Variants in MRPL54 observed in about 807,000 individuals in gnomAD.
MRPL54 encodes the protein mitochondrial ribosomal protein L54.
Under a neutral mutation model 15.6 loss-of-function variants are expected in MRPL54, and 12 were observed. The observed-to-expected ratio is 0.77, with a 90% CI of 0.49 to 1.24. The LOEUF is 1.24. Among genes scored for constraint, MRPL54 ranks in the 50% most tolerant of loss-of-function variants. MRPL54 has a pLI of 0.00. For synonymous variants in MRPL54, 91 were observed against 75.7 expected (o/e 1.20, Z -1.05); for missense variants, 178 against 186.8 (o/e 0.95, Z 0.28).
At chr19:3,765,400 G>C in intron 2 of MRPL54, 69 bp downstream of exon 2, 1 of 1,558,734 alleles carries the variant, frequency 6.4e-7, no homozygotes, top group African/African-American at 1.4e-5. Context: ...ACCCCTTCCC[G>C]GAGAGGCGGA....
chr19:3,764,410 G>C (rs1056629991), intron 1 of MRPL54, among the ~76,000 whole-genome samples: 2 of 150,146 alleles, frequency 1.3e-5, no homozygotes, highest in African/African-American at 4.9e-5. Flanking sequence ...TAATTTTTTA[G>C]ATTTTTTATT....
At chr19:3,766,187 C>G (rs963968101) in intron 2 of MRPL54, among the ~76,000 whole-genome samples, 1 of 151,868 alleles carries the variant, frequency 6.6e-6, no homozygotes, top group African/African-American at 2.4e-5. Flanking sequence ...CAATGATTCT[C>G]CTGCCTCAGC....
chr19:3,767,080 C>T (rs1346052163), intron 2 of MRPL54, among the ~76,000 whole-genome samples, 181 bp from the exon 3 acceptor site: 4 of 152,092 alleles, frequency 2.6e-5, no homozygotes, highest in Admixed American at 2.0e-4. Flanking sequence ...GGGGTTGGCT[C>T]CATTGCTGCA....
At chr19:3,765,873 G>A (rs1190589693) in intron 2 of MRPL54, among the ~76,000 whole-genome samples, 2 of 149,166 alleles carry the variant, frequency 1.3e-5, no homozygotes, top group Non-Finnish European at 3.0e-5. Flanking sequence ...ACTCCAGCCT[G>A]GGCAACAGAG....
rs541593941 is a variant in MRPL54 at position 3,763,204 on chromosome 19, G to A, written c.118+386G>A. 2.5e-4 allele frequency among the ~76,000 whole-genome samples: 38 copies of A among 152,340 alleles called. 1 individual carries two copies. In the South Asian group the frequency reaches 7.0e-3, roughly 28 times the overall value. On this transcript the variant is annotated intron_variant, in intron 1 of 2. Coordinates refer to ENST00000330133, the MANE Select transcript of MRPL54 (RefSeq NM_172251.3). Reference sequence around the variant, plus strand: ...TGCCTCCAAATCGCTGGGTAACCTTGGCCAAGACGTTACCAAACATTCAAA... The same window carrying A: ...TGCCTCCAAATCGCTGGGTAACCTTAGCCAAGACGTTACCAAACATTCAAA...
chr19:3,766,383 T>G (rs1201683782), intron 2 of MRPL54, among the ~76,000 whole-genome samples: 1 of 151,352 alleles, frequency 6.6e-6, no homozygotes, highest in African/African-American at 2.4e-5. Flanking sequence ...CTGGCCTAAT[T>G]TTGTATTTTT....
chr19:3,767,393 G>T lies in MRPL54; in HGVS notation c.417G>T (p.Ter139TyrextTer50), dbSNP rs1355485858. Residue 139 changes from the stop codon to tyrosine, a stop_lost, in exon 3 of 3, where the codon TAG becomes TAT. Coordinates refer to ENST00000330133, the MANE Select transcript of MRPL54 (RefSeq NM_172251.3). Reference protein sequence around the residue: ...HNRLSKNKRL* With the variant: ...HNRLSKNKRLY Reference sequence around the variant, plus strand: ...GGCTGAGCAAGAACAAGAGGTTGTAGCATGGAGGGCCCGGCATCGCTGACC... The same window carrying T: ...GGCTGAGCAAGAACAAGAGGTTGTATCATGGAGGGCCCGGCATCGCTGACC... 6.2e-7 allele frequency: 1 copy of T among 1,609,296 alleles called. No individual in the cohort carries two copies. The highest frequency in any genetic ancestry group is 8.5e-7 in the Non-Finnish European group (1 of 1,178,312).
chr19:3,766,559 G>T (rs1010211217), intron 2 of MRPL54, among the ~76,000 whole-genome samples: 8 of 152,236 alleles, frequency 5.3e-5, no homozygotes, highest in African/African-American at 1.9e-4. Context: ...CCCTGCTCTA[G>T]GCTTGAGGGA....
intron 2 of MRPL54, among the ~76,000 whole-genome samples, chr19:3,766,203 G>C (rs923259122): frequency 2.0e-4 from 30 of 151,760 alleles, no homozygotes; most frequent in African/African-American, 6.8e-4. Flanking sequence ...TCAGCCTCCC[G>C]AGTAGCTGGG....
chr19:3,763,147 A>G (rs963092380), intron 1 of MRPL54, among the ~76,000 whole-genome samples: 13 of 152,246 alleles, frequency 8.5e-5, no homozygotes, highest in Admixed American at 5.9e-4. Flanking sequence ...TGGGGAGGTC[A>G]TGAACTTGGG....
intron 2 of MRPL54, among the ~76,000 whole-genome samples, chr19:3,766,297 C>T (rs867916150): frequency 2.6e-5 from 4 of 152,048 alleles, no homozygotes; most frequent in African/African-American, 7.2e-5. Context: ...AGGCTAGTCT[C>T]GAACTCCTGA....
At chr19:3,763,481 A>C (rs118029942) in intron 1 of MRPL54, among the ~76,000 whole-genome samples, 4,102 of 152,216 alleles carry the variant, frequency 0.027, 71 homozygotes, top group Middle Eastern at 0.078. Context: ...ATCCCACTTA[A>C]AGTGATTTCG....
At chr19:3,765,116 C>T in intron 1 of MRPL54, 50 bp from the exon 2 acceptor site, 4 of 1,558,186 alleles carry the variant, frequency 2.6e-6, no homozygotes, top group Non-Finnish European at 3.5e-6. Context: ...AGAAGTTTGG[C>T]TTCCAGAGGA....
At chr19:3,763,666 C>T (rs1217595363) in intron 1 of MRPL54, among the ~76,000 whole-genome samples, 1 of 151,284 alleles carries the variant, frequency 6.6e-6, no homozygotes, top group Admixed American at 6.6e-5. Flanking sequence ...GTAATCCCAG[C>T]ACTTTGGGAG....
intron 2 of MRPL54, 100 bp from the exon 3 acceptor site, chr19:3,767,161 T>C: frequency 6.9e-7 from 1 of 1,449,006 alleles, no homozygotes; most frequent in Admixed American, 2.6e-5. Context: ...CCAGTGGGCC[T>C]GGCACCCAGC....
At chr19:3,767,184 T>C in intron 2 of MRPL54, 77 bp from the exon 3 acceptor site, 1 of 1,529,086 alleles carries the variant, frequency 6.5e-7, no homozygotes, top group South Asian at 1.2e-5. Context: ...CGTCGCCGCC[T>C]CTGCCCGAGG....
At chr19:3,766,238 C>T (rs1056847762) in intron 2 of MRPL54, among the ~76,000 whole-genome samples, 1 of 152,154 alleles carries the variant, frequency 6.6e-6, no homozygotes, top group Admixed American at 6.6e-5. Context: ...CCGTCACACC[C>T]AGCTAATTTT....
intron 1 of MRPL54, 119 bp from the exon 2 acceptor site, chr19:3,765,047 T>C: frequency 1.0e-6 from 1 of 979,916 alleles, no homozygotes; most frequent in Non-Finnish European, 1.4e-6. Context: ...AAAAAGAAAG[T>C]TTTGAGTGTA....
intron 1 of MRPL54, among the ~76,000 whole-genome samples, chr19:3,764,542 G>A (rs1183440090): frequency 1.3e-5 from 2 of 151,820 alleles, no homozygotes; most frequent in Non-Finnish European, 2.9e-5. Flanking sequence ...CGAGTAGCTG[G>A]GATCACAGGC....
Sources: allele counts gnomAD v4.1 joint callset (sites outside exome capture counted in the v4.1 genomes callset), GRCh38; gene constraint gnomAD v4.1.1; transcripts MANE v1.5; gene names NCBI Gene and HGNC (gene_info 2026-07-23, HGNC 2026-07-21).